Variants in PID1 observed in about 807,000 individuals in gnomAD.
PID1 encodes the protein PTB-containing, cubilin and LRP1-interacting protein.
In PID1, 10 loss-of-function variants were observed where a neutral mutation model predicts 19.1. The observed-to-expected ratio is 0.52, with a 90% CI of 0.32 to 0.89. PID1 has a LOEUF of 0.89. Among genes scored for constraint, PID1 ranks in the 40% least tolerant of loss-of-function variants. The probability of loss-of-function intolerance (pLI) is 0.03; values close to 1 mark genes in which losing one functional copy is unlikely to be tolerated. For missense variants in PID1, 248 were observed against 285.3 expected, an observed-to-expected ratio of 0.87 and a Z score of 0.94; for synonymous variants, 130 against 116.0, an observed-to-expected ratio of 1.12 and a Z score of -0.78.
chr2:229,040,272 A>G (rs958532827), intron 2 of PID1, among the ~76,000 whole-genome samples: 1 of 152,108 alleles, frequency 6.6e-6, no homozygotes, highest in African/African-American at 2.4e-5. Context: ...TACAAAAAAA[A>G]TCGCGGCACT....
intron 2 of PID1, among the ~76,000 whole-genome samples, chr2:229,060,097 A>T (rs13412989): frequency 0.06 from 9,203 of 152,172 alleles, 960 homozygotes; most frequent in African/African-American, 0.21. Context: ...TATTCACAAA[A>T]CCATCACCAG....
chr2:229,267,928 G>GA (rs965881707), intron 1 of PID1, among the ~76,000 whole-genome samples: 92 of 143,366 alleles, frequency 6.4e-4, no homozygotes, highest in East Asian at 2.8e-3. Context: ...ATACCTCCAA[G>GA]AAAAAAAAAA....
At chr2:229,059,480 T>G (rs1304422532) in intron 2 of PID1, among the ~76,000 whole-genome samples, 5 of 152,166 alleles carry the variant, frequency 3.3e-5, no homozygotes, top group Non-Finnish European at 7.3e-5. Context: ...TCAACTCCAT[T>G]AAACAGAGGA....
Position 229,025,322 on chromosome 2 carries a change from G to A in PID1, c.*310C>T, listed in dbSNP as rs76000062. The A allele has an allele frequency of 6.4e-3, 2,119 of 332,488 alleles. 41 individuals carry two copies. Among genetic ancestry groups the A allele is most frequent in the African/African-American group, 0.041 (1,950 of 47,102 alleles). The allele number at this position is 332,488 out of a possible 1,614,324, so 20.6% of individuals were successfully genotyped here. On this transcript the variant is annotated 3_prime_UTR_variant, in exon 3 of 3. Transcript: ENST00000392055. ...ACAGCTGCAGAGTATTTGCCTGAGC[G>A]TGGTGAAAACTGGCATGGAGCTCTC...
chr2:229,100,169 T>A (rs1695048446), intron 2 of PID1, among the ~76,000 whole-genome samples: 1 of 152,216 alleles, frequency 6.6e-6, no homozygotes. Context: ...CTTTCAGAAC[T>A]GTGAGACACA....
chr2:229,145,155 G>GTGTGTGTGTGTATATACATATATA lies in PID1; in HGVS notation c.177+10662_177+10663insTATATATGTATATACACACACACA, dbSNP rs1391018424. ...ATGCTGAGTTTAAATATATGTATGT[G>GTGTGTGTGTGTATATACATATATA]TATATATATATATATATATATATAT... On this transcript the variant is annotated intron_variant, in intron 2 of 2. Coordinates refer to ENST00000392055, the MANE Select transcript of PID1 (RefSeq NM_001100818.2). Among the ~76,000 whole-genome samples, 293 of 119,922 alleles carry GTGTGTGTGTGTATATACATATATA rather than the reference G, an allele frequency of 2.4e-3. 3 individuals carry two copies. The highest frequency in any genetic ancestry group is 8.7e-3 in the African/African-American group (276 of 31,692). The allele number at this position is 119,922 out of a possible 152,430, so 78.7% of individuals were successfully genotyped here. A position where few individuals can be genotyped will look rare whatever the true frequency, so the allele number is the denominator to read the frequency against.
chr2:229,131,945 C>A (rs1689750551), intron 2 of PID1, among the ~76,000 whole-genome samples: 1 of 152,084 alleles, frequency 6.6e-6, no homozygotes, highest in African/African-American at 2.4e-5. Context: ...TGTCTGGGAG[C>A]AAACCCTCTC....
chr2:229,147,233 C>T lies in PID1; in HGVS notation c.177+8585G>A, dbSNP rs181622227. On this transcript the variant is annotated intron_variant, in intron 2 of 2. Transcript: ENST00000392055. ...GAGAAGAAATAAATGTCTAAGTTAC[C>T]GACTTGCAGCTTTTTACAAAATGTT... Among the ~76,000 whole-genome samples, 181 of 152,118 alleles carry T rather than the reference C, an allele frequency of 1.2e-3. 2 individuals are homozygous for T. The highest frequency in any genetic ancestry group is 2.0e-3 in the Admixed American group (30 of 15,276).
At chr2:229,220,224 G>C (rs6716932) in intron 1 of PID1, among the ~76,000 whole-genome samples, 507 of 152,074 alleles carry the variant, frequency 3.3e-3, no homozygotes, top group African/African-American at 0.012. Flanking sequence ...TTACTATGTT[G>C]CCCAGGCTCC....
chr2:229,046,555 C>T (rs964374718), intron 2 of PID1, among the ~76,000 whole-genome samples: 1 of 151,710 alleles, frequency 6.6e-6, no homozygotes, highest in Admixed American at 6.6e-5. Flanking sequence ...CTTAGTTTAC[C>T]TTAATTTCTT....
chr2:229,032,581 C>T (rs1016019282), intron 2 of PID1, among the ~76,000 whole-genome samples: 2 of 152,156 alleles, frequency 1.3e-5, no homozygotes, highest in African/African-American at 4.8e-5. Context: ...GCCTTCACCA[C>T]CCAGGGTGCT....
intron 2 of PID1, among the ~76,000 whole-genome samples, chr2:229,085,223 TA>T (rs200081184): frequency 0.023 from 2,909 of 126,384 alleles, 44 homozygotes; most frequent in African/African-American, 0.052. Context: ...CATATACTTG[TA>T]AAAAAAAAAA....
intron 1 of PID1, chr2:229,262,979 T>A: frequency 8.0e-7 from 1 of 1,257,374 alleles, no homozygotes; most frequent in Non-Finnish European, 1.0e-6. Flanking sequence ...GCACAAACCT[T>A]ATTTCCAAAT....
chr2:229,232,530 T>C (rs1692232873), intron 1 of PID1, among the ~76,000 whole-genome samples: 1 of 148,214 alleles, frequency 6.7e-6, no homozygotes, highest in Admixed American at 6.7e-5. Flanking sequence ...ATTTAAACTA[T>C]AGCACTCCTC....
At chr2:229,268,606 T>C (rs1476271700) in intron 1 of PID1, among the ~76,000 whole-genome samples, 2 of 152,126 alleles carry the variant, frequency 1.3e-5, no homozygotes, top group Admixed American at 6.5e-5. Flanking sequence ...GTATTAAAGA[T>C]AAATGAGAAA....
intron 1 of PID1, among the ~76,000 whole-genome samples, chr2:229,259,198 G>A (rs1309017072): frequency 6.6e-6 from 1 of 151,472 alleles, no homozygotes; most frequent in African/African-American, 2.4e-5. Context: ...TCTTTTCCTG[G>A]TTTTTAAAAA....
intron 1 of PID1, among the ~76,000 whole-genome samples, chr2:229,263,246 A>T (rs1415992475): frequency 6.6e-6 from 1 of 152,194 alleles, no homozygotes; most frequent in East Asian, 1.9e-4. Flanking sequence ...GGTGCTGCTT[A>T]CTGATCCAAG....
chr2:229,139,037 A>AAGAAAGAAAGAG (rs1559251365), intron 2 of PID1, among the ~76,000 whole-genome samples: 3 of 55,368 alleles, frequency 5.4e-5, no homozygotes, highest in African/African-American at 1.3e-4. Flanking sequence ...GAAAGAAAGA[A>AAGAAAGAAAGAG]AGAGAAAGAA....
chr2:229,187,494 A>AC (rs879931282), intron 1 of PID1, among the ~76,000 whole-genome samples: 31 of 151,912 alleles, frequency 2.0e-4, no homozygotes, highest in African/African-American at 6.3e-4. Context: ...TGTGCAGGAA[A>AC]CCCCCCCCTT....
Sources: allele counts gnomAD v4.1 joint callset (sites outside exome capture counted in the v4.1 genomes callset), GRCh38; gene constraint gnomAD v4.1.1; transcripts MANE v1.5; gene names NCBI Gene and HGNC (gene_info 2026-07-23, HGNC 2026-07-21).